HNRNPLL: variants seen among roughly 807,000 people sequenced by gnomAD.
HNRNPLL encodes the protein heterogeneous nuclear ribonucleoprotein L-like.
In HNRNPLL, 25 loss-of-function variants were observed where a neutral mutation model predicts 67.1. That is an observed-to-expected ratio of 0.37 (90% confidence interval 0.27 to 0.52). HNRNPLL has a LOEUF of 0.52. Among genes scored for constraint, HNRNPLL ranks in the 20% least tolerant of loss-of-function variants. The probability of loss-of-function intolerance (pLI) is 0.90; values close to 1 mark genes in which losing one functional copy is unlikely to be tolerated. For missense variants in HNRNPLL, 542 were observed against 673.9 expected (o/e 0.80, Z 2.17); for synonymous variants, 267 against 241.7 (o/e 1.10, Z -0.97).
At chr2:38,602,151 A>AACCCCCCAGAG (rs1667465235) in intron 1 of HNRNPLL, 2 of 445,942 alleles carry the variant, frequency 4.5e-6, no homozygotes, top group Non-Finnish European at 3.9e-6. Flanking sequence ...CCAGAGCGGA[A>AACCCCCCAGAG]GCGACGCCTC....
chr2:38,573,187 A>C (rs1259250929), intron 8 of HNRNPLL, 23 bp downstream of exon 8: 3 of 1,503,572 alleles, frequency 2.0e-6, no homozygotes, highest in East Asian at 2.3e-5. Flanking sequence ...TAGCAAAAGA[A>C]ACCAATATAA....
chr2:38,588,768 G>T (rs1464333113), intron 2 of HNRNPLL, among the ~76,000 whole-genome samples: 1 of 152,076 alleles, frequency 6.6e-6, no homozygotes, highest in African/African-American at 2.4e-5. Context: ...GAAACCAGGT[G>T]TGGTGGCTTG....
intron 12 of HNRNPLL, among the ~76,000 whole-genome samples, chr2:38,567,823 A>C (rs187493131): frequency 6.9e-4 from 105 of 152,322 alleles, no homozygotes; most frequent in Middle Eastern, 6.8e-3. Context: ...GAGCCTACAC[A>C]CAACCATATG....
intron 1 of HNRNPLL, among the ~76,000 whole-genome samples, chr2:38,597,331 G>A (rs1349614220): frequency 1.3e-5 from 2 of 152,160 alleles, no homozygotes; most frequent in African/African-American, 4.8e-5. Flanking sequence ...AATTTCTAGT[G>A]CCTTCTCCAT....
intron 1 of HNRNPLL, 35 bp downstream of exon 1, chr2:38,602,403 C>A: frequency 1.9e-6 from 3 of 1,546,286 alleles, no homozygotes; most frequent in Non-Finnish European, 2.6e-6. Flanking sequence ...GGGGAGCAGC[C>A]AGGCACAGCG....
intron 7 of HNRNPLL, 76 bp downstream of exon 7, chr2:38,577,385 T>C: frequency 1.1e-6 from 1 of 905,986 alleles, no homozygotes; most frequent in Non-Finnish European, 1.9e-6. Context: ...AGACAAGAAA[T>C]GTGCCATACT....
chr2:38,592,243 G>C (rs945893518), intron 1 of HNRNPLL, among the ~76,000 whole-genome samples: 1 of 151,924 alleles, frequency 6.6e-6, no homozygotes, highest in Non-Finnish European at 1.5e-5. Context: ...AGATACATAG[G>C]GCATGCTACA....
At chr2:38,585,545 T>G in intron 3 of HNRNPLL, 99 bp downstream of exon 3, 1 of 692,058 alleles carries the variant, frequency 1.4e-6, no homozygotes, top group East Asian at 2.6e-5. Context: ...AAAACTATTT[T>G]CTAGTATCTA....
intron 6 of HNRNPLL, among the ~76,000 whole-genome samples, chr2:38,578,720 A>G (rs1448479193): frequency 6.6e-6 from 1 of 152,092 alleles, no homozygotes; most frequent in African/African-American, 2.4e-5. Flanking sequence ...CCCAAAACCA[A>G]TAATAAGATT....
At chr2:38,578,444 A>C (rs549969627) in intron 6 of HNRNPLL, among the ~76,000 whole-genome samples, 1 of 152,096 alleles carries the variant, frequency 6.6e-6, no homozygotes, top group Non-Finnish European at 1.5e-5. Flanking sequence ...ATTTTTAAAA[A>C]TATGTATCTC....
At position 38,602,867 on chromosome 2, in the gene HNRNPLL, T is replaced by A. The variant is rs902670671; in HGVS notation, c.-241A>T. On this transcript the variant is annotated 5_prime_UTR_variant, in exon 1 of 13. The change abolishes an upstream ATG in the 5' untranslated region. Transcript: ENST00000449105. ...GCTCCTCTCAATTACCGAGCCAACATTCAGCCTCTCCCTCCTCCTCCTCCG... is the reference window on the plus strand; with the variant it reads ...GCTCCTCTCAATTACCGAGCCAACAATCAGCCTCTCCCTCCTCCTCCTCCG... 6.5e-7 allele frequency: 1 copy of A among 1,548,932 alleles called. No individual in the cohort carries two copies. Among genetic ancestry groups the A allele is most frequent in the Non-Finnish European group, 8.7e-7 (1 of 1,146,106 alleles).
chr2:38,602,168 G>A (rs959641165), intron 1 of HNRNPLL: 12 of 470,726 alleles, frequency 2.5e-5, no homozygotes, highest in African/African-American at 4.2e-5. Flanking sequence ...CCTCCCCGCC[G>A]CCGCCGCCGC....
intron 2 of HNRNPLL, among the ~76,000 whole-genome samples, chr2:38,588,304 C>T (rs1017611057): frequency 1.3e-5 from 2 of 151,684 alleles, no homozygotes; most frequent in Non-Finnish European, 2.9e-5. Flanking sequence ...AATCCCAGCA[C>T]TTTGGGAGGC....
chr2:38,566,811 T>C (rs1387736355), intron 12 of HNRNPLL, among the ~76,000 whole-genome samples: 1 of 150,122 alleles, frequency 6.7e-6, no homozygotes, highest in African/African-American at 2.5e-5. Context: ...CAGTGAGACC[T>C]TGTCTCTATT....
chr2:38,590,314 T>C (rs368753316), intron 2 of HNRNPLL, among the ~76,000 whole-genome samples: 12 of 152,368 alleles, frequency 7.9e-5, no homozygotes, highest in African/African-American at 2.9e-4. Flanking sequence ...CCTCATTATC[T>C]ATGCATTTTC....
chr2:38,568,353 C>T, intron 11 of HNRNPLL, 33 bp downstream of exon 11: 5 of 1,605,612 alleles, frequency 3.1e-6, no homozygotes, highest in Non-Finnish European at 4.3e-6. Context: ...CCAACTTAAC[C>T]AGAAAGCTTT....
intron 2 of HNRNPLL, among the ~76,000 whole-genome samples, chr2:38,586,618 G>A (rs762818216): frequency 1.3e-5 from 2 of 152,122 alleles, no homozygotes. Context: ...TAACAGCTAA[G>A]AACTGACTAT....
At chr2:38,598,394 A>G (rs1244317587) in intron 1 of HNRNPLL, among the ~76,000 whole-genome samples, 1 of 152,204 alleles carries the variant, frequency 6.6e-6, no homozygotes, top group Admixed American at 6.5e-5. Flanking sequence ...GGATCCAGCC[A>G]TTCCTAAAAC....
At chr2:38,601,258 T>C (rs983319926) in intron 1 of HNRNPLL, among the ~76,000 whole-genome samples, 3 of 152,202 alleles carry the variant, frequency 2.0e-5, no homozygotes, top group Admixed American at 6.5e-5. Flanking sequence ...TGCTCTCACA[T>C]CCTGGTAACT....
Sources: allele counts gnomAD v4.1 joint callset (sites outside exome capture counted in the v4.1 genomes callset), GRCh38; gene constraint gnomAD v4.1.1; transcripts MANE v1.5; gene names NCBI Gene and HGNC (gene_info 2026-07-23, HGNC 2026-07-21).